Variants in DNA2 observed in about 807,000 individuals in gnomAD.
The protein encoded by DNA2 is DNA replication ATP-dependent helicase/nuclease DNA2.
In DNA2, 101 loss-of-function variants were observed where a neutral mutation model predicts 119.1. That is an observed-to-expected ratio of 0.85 (90% CI 0.72 to 1.00). The LOEUF is 1.00. DNA2 is among the 50% of genes least tolerant of loss of function. The pLI, the probability that DNA2 is intolerant of heterozygous loss-of-function variation, is 0.00. For synonymous variants in DNA2, 366 were observed against 424.4 expected (o/e 0.86, Z 1.69); for missense variants, 1,121 against 1,255.5 (o/e 0.89, Z 1.62).
chr10:68,436,542 A>G (rs569355303), intron 10 of DNA2, among the ~76,000 whole-genome samples: 34 of 152,314 alleles, frequency 2.2e-4, no homozygotes, highest in African/African-American at 8.2e-4. Flanking sequence ...ACGCCACTCA[A>G]TTATACACAT....
intron 12 of DNA2, 93 bp from the exon 13 acceptor site, chr10:68,432,064 C>T: frequency 8.5e-7 from 1 of 1,183,222 alleles, no homozygotes; most frequent in Non-Finnish European, 1.2e-6. Flanking sequence ...CTATCCAAGT[C>T]TATTCTTCAA....
chr10:68,445,278 A>C (rs1038095944), intron 7 of DNA2, among the ~76,000 whole-genome samples, 195 bp from the exon 8 acceptor site: 4 of 152,192 alleles, frequency 2.6e-5, no homozygotes, highest in Non-Finnish European at 5.9e-5. Context: ...TAGCCTAACC[A>C]ACACGGTGAA....
intron 5 of DNA2, among the ~76,000 whole-genome samples, chr10:68,452,336 G>C (rs893953148): frequency 6.6e-5 from 10 of 152,092 alleles, no homozygotes; most frequent in Non-Finnish European, 1.3e-4. Context: ...ATCTCCCAAA[G>C]TGCTGGAATT....
chr10:68,447,230 G>A (rs146208809), intron 6 of DNA2, among the ~76,000 whole-genome samples: 32 of 151,944 alleles, frequency 2.1e-4, no homozygotes, highest in African/African-American at 6.5e-4. Flanking sequence ...AAAATTACCC[G>A]GGCACGGCTG....
At position 68,465,810 on chromosome 10, in the gene DNA2, G is replaced by A. The variant is rs1449033693; in HGVS notation, c.444C>T (p.Ser148=). The A allele has an allele frequency of 3.2e-6, 5 of 1,543,488 alleles. No homozygotes were observed. The highest frequency in any genetic ancestry group is 4.4e-6 in the Non-Finnish European group (5 of 1,145,590). Residue 148 remains serine, a splice_region_variant and synonymous_variant, in exon 4 of 21, where the codon AGC becomes AGT. Coordinates refer to ENST00000358410, the MANE Select transcript of DNA2 (RefSeq NM_001080449.3). ...RRAVLSETFR[S]SDPATRQMLI... ...GCATTTGGCGTGTGGCTGGATCAGA[G>A]CTCTACAAAAGCAAATCACACAGTT...
chr10:68,422,078 G>T, intron 17 of DNA2, 147 bp downstream of exon 17: 1 of 621,424 alleles, frequency 1.6e-6, no homozygotes, highest in Non-Finnish European at 2.7e-6. Context: ...CTCGCAAAGT[G>T]CTGGGATTAC....
chr10:68,469,241 G>A (rs994517080), intron 2 of DNA2, among the ~76,000 whole-genome samples: 6 of 149,682 alleles, frequency 4.0e-5, no homozygotes, highest in African/African-American at 1.2e-4. Context: ...TGTTTAAACT[G>A]CAATCTTAGA....
intron 5 of DNA2, among the ~76,000 whole-genome samples, chr10:68,450,740 C>G (rs754275720): frequency 6.6e-6 from 1 of 152,134 alleles, no homozygotes; most frequent in Admixed American, 6.6e-5. Context: ...ACAATTATTA[C>G]GCAAATTAGT....
chr10:68,422,195 G>A (rs759380163), intron 17 of DNA2, 30 bp downstream of exon 17: 85 of 1,470,262 alleles, frequency 5.8e-5, no homozygotes, highest in Non-Finnish European at 7.2e-5. Context: ...GACAAAATGA[G>A]AAAAACTAAA....
chr10:68,419,240 A>G, intron 18 of DNA2, 27 bp from the exon 19 acceptor site: 1 of 1,476,912 alleles, frequency 6.8e-7, no homozygotes, highest in Non-Finnish European at 9.0e-7. Flanking sequence ...ACAATTTAAA[A>G]GAAAGAAATC....
rs552354778 is a variant in DNA2, at chr10:68,462,318, C to T, written c.588-3083G>A. On this transcript the variant is annotated intron_variant, in intron 4 of 20. Transcript: ENST00000358410. ...CCCAGGAGGTGGAGGTTGCAGTGAG[C>T]CGAGGTCATGCCATTGCAATCCAGC... Among the ~76,000 whole-genome samples, 5 of 152,006 alleles carry T rather than the reference C, an allele frequency of 3.3e-5. 1 individual carries two copies. Among genetic ancestry groups the T allele is most frequent in the African/African-American group, 1.2e-4 (5 of 41,482 alleles).
intron 2 of DNA2, 35 bp downstream of exon 2, chr10:68,469,946 A>G (rs1378702430): frequency 1.3e-6 from 2 of 1,570,094 alleles, no homozygotes; most frequent in Non-Finnish European, 1.7e-6. Flanking sequence ...TACCCTTAAG[A>G]TTCAAATCGG....
chr10:68,468,560 G>C (rs2133450237), intron 2 of DNA2, among the ~76,000 whole-genome samples: 1 of 152,204 alleles, frequency 6.6e-6, no homozygotes, highest in African/African-American at 2.4e-5. Flanking sequence ...ATCCCAAAGG[G>C]AAAACAACTT....
intron 4 of DNA2, among the ~76,000 whole-genome samples, chr10:68,462,100 G>A (rs1477284599): frequency 2.6e-5 from 4 of 152,214 alleles, no homozygotes; most frequent in African/African-American, 9.6e-5. Context: ...GCTAGGTGCA[G>A]TGGCTCATAC....
At chr10:68,418,914 C>G in intron 19 of DNA2, 120 bp downstream of exon 19, 1 of 765,078 alleles carries the variant, frequency 1.3e-6, no homozygotes, top group Non-Finnish European at 2.0e-6. Flanking sequence ...CTCAGGTGAT[C>G]CACCCGCCTT....
At chr10:68,457,843 G>T (rs573995857) in intron 5 of DNA2, among the ~76,000 whole-genome samples, 2 of 151,416 alleles carry the variant, frequency 1.3e-5, no homozygotes, top group South Asian at 2.1e-4. Context: ...ACATGACACA[G>T]ACTATATGCT....
At chr10:68,460,357 C>T (rs2052240765) in intron 4 of DNA2, among the ~76,000 whole-genome samples, 1 of 151,998 alleles carries the variant, frequency 6.6e-6, no homozygotes, top group Non-Finnish European at 1.5e-5. Flanking sequence ...AATCTGCCCA[C>T]CTTGGCCTCC....
intron 6 of DNA2, among the ~76,000 whole-genome samples, chr10:68,448,968 C>CGTGT (rs59756256): frequency 0.047 from 5,123 of 109,320 alleles, 139 homozygotes; most frequent in Non-Finnish European, 0.052. Flanking sequence ...TGTGTGTGTG[C>CGTGT]GTGTGTGTGT....
chr10:68,450,257 A>G lies in DNA2; in HGVS notation c.720-10T>C, dbSNP rs1370961650. ...ACTATTATCACTTGGCCTGAAAAAA[A>G]AAAAAGCACAAAAACACTTAATTAG... is the stretch of plus-strand genomic sequence containing the variant. On this transcript the variant is annotated splice_polypyrimidine_tract_variant and intron_variant, in intron 5 of 20. Coordinates refer to ENST00000358410, the MANE Select transcript of DNA2 (RefSeq NM_001080449.3). The G allele has an allele frequency of 1.3e-6, 2 of 1,540,982 alleles. No homozygotes were observed. The highest frequency in any genetic ancestry group is 1.2e-5 in the South Asian group (1 of 83,782).
Sources: allele counts gnomAD v4.1 joint callset (sites outside exome capture counted in the v4.1 genomes callset), GRCh38; gene constraint gnomAD v4.1.1; transcripts MANE v1.5; gene names NCBI Gene and HGNC (gene_info 2026-07-23, HGNC 2026-07-21).